Variants in ARHGAP17 observed in about 807,000 individuals in gnomAD.
The protein encoded by ARHGAP17 is rho GTPase-activating protein 17.
A neutral mutation model predicts 99.5 loss-of-function variants in ARHGAP17; 57 were observed. The observed-to-expected ratio is 0.57, with a 90% CI of 0.46 to 0.71. The LOEUF is 0.71. Among genes scored for constraint, ARHGAP17 ranks in the 30% least tolerant of loss-of-function variants. The probability of loss-of-function intolerance (pLI) is 0.00; values close to 1 mark genes in which losing one functional copy is unlikely to be tolerated. For missense variants in ARHGAP17, 1,000 were observed against 1,122.4 expected, an observed-to-expected ratio of 0.89 and a Z score of 1.56; for synonymous variants, 417 against 429.6, an observed-to-expected ratio of 0.97 and a Z score of 0.36.
At chr16:24,992,356 A>G (rs1408864144) in intron 1 of ARHGAP17, among the ~76,000 whole-genome samples, 1 of 151,864 alleles carries the variant, frequency 6.6e-6, no homozygotes, top group African/African-American at 2.4e-5. Context: ...TTTTTTTTGG[A>G]GACAGAGTCT....
intron 7 of ARHGAP17, among the ~76,000 whole-genome samples, chr16:24,961,894 A>G (rs2052014206): frequency 8.6e-6 from 1 of 115,756 alleles, no homozygotes; most frequent in Admixed American, 8.6e-5. Context: ...CTTCAAATAT[A>G]AATATACATA....
chr16:24,964,349 T>TTGA, intron 6 of ARHGAP17, 41 bp from the exon 7 acceptor site: 1 of 1,385,886 alleles, frequency 7.2e-7, no homozygotes, highest in Non-Finnish European at 1.0e-6. Flanking sequence ...GAACCAGCTG[T>TTGA]GTATACTCAA....
intron 1 of ARHGAP17, among the ~76,000 whole-genome samples, chr16:24,995,660 G>A (rs1182041240): frequency 6.6e-6 from 1 of 152,208 alleles, no homozygotes; most frequent in African/African-American, 2.4e-5. Flanking sequence ...GGAGAGCCAA[G>A]GGCCAGCCCA....
intron 1 of ARHGAP17, among the ~76,000 whole-genome samples, chr16:24,994,220 G>A (rs1039632717): frequency 3.3e-5 from 5 of 152,146 alleles, no homozygotes; most frequent in Admixed American, 2.6e-4. Context: ...CTTTTCTAAG[G>A]TCAAAGAAAG....
chr16:25,010,693 T>C (rs1597501305), intron 1 of ARHGAP17, among the ~76,000 whole-genome samples: 1 of 152,240 alleles, frequency 6.6e-6, no homozygotes, highest in Non-Finnish European at 1.5e-5. Context: ...CGTAGTTTAA[T>C]TTGGATTAAA....
chr16:24,988,082 GA>G (rs2052927819), intron 1 of ARHGAP17, among the ~76,000 whole-genome samples: 1 of 152,194 alleles, frequency 6.6e-6, no homozygotes, highest in Non-Finnish European at 1.5e-5. Context: ...AAATCCACCT[GA>G]GCCTCTGAGC....
chr16:24,961,536 T>C (rs2052001033), intron 7 of ARHGAP17, among the ~76,000 whole-genome samples: 1 of 127,054 alleles, frequency 7.9e-6, no homozygotes, highest in African/African-American at 3.0e-5. Flanking sequence ...TTTTTTTTTT[T>C]TTTTTTTTGA....
Position 24,939,400 on chromosome 16 carries a change from C to G in ARHGAP17, c.1688G>C (p.Gly563Ala), listed in dbSNP as rs745320640. 3 of 1,609,546 alleles carry G rather than the reference C, an allele frequency of 1.9e-6. No homozygotes were observed. Among genetic ancestry groups the G allele is most frequent in the Non-Finnish European group, 1.7e-6 (2 of 1,179,628 alleles). Residue 563 changes from glycine to alanine, a missense_variant, in exon 17 of 20, where the codon GGC becomes GCC. Coordinates refer to ENST00000289968, the MANE Select transcript of ARHGAP17 (RefSeq NM_001006634.3). The stretch of plus-strand genomic sequence containing the variant: ...TGGGCTCGGCCCCTGCTCCAGTATG[C>G]CCGCGGAAGAGGGGACAGTCCCACC... ...SGGGTVPSSAGILEQGPSPGD... is the reference protein window; with the variant it reads ...SGGGTVPSSAAILEQGPSPGD...
At chr16:25,008,747 T>C (rs2053569973) in intron 1 of ARHGAP17, among the ~76,000 whole-genome samples, 1 of 152,212 alleles carries the variant, frequency 6.6e-6, no homozygotes, top group South Asian at 2.1e-4. Context: ...CTTACACATA[T>C]AAAAATGATG....
intron 9 of ARHGAP17, chr16:24,954,937 A>G: frequency 1.6e-6 from 1 of 637,994 alleles, no homozygotes; most frequent in South Asian, 2.2e-5. Flanking sequence ...CTTGTGGAAC[A>G]GAAGCCTGAG....
At chr16:24,974,461 C>A (rs1485032560) in intron 3 of ARHGAP17, among the ~76,000 whole-genome samples, 1 of 152,082 alleles carries the variant, frequency 6.6e-6, no homozygotes, top group Non-Finnish European at 1.5e-5. Context: ...AAATGCTTAG[C>A]ATCTCGGTTC....
chr16:24,959,152 T>G (rs1299240845), intron 9 of ARHGAP17, among the ~76,000 whole-genome samples: 2 of 152,152 alleles, frequency 1.3e-5, no homozygotes, highest in South Asian at 2.1e-4. Flanking sequence ...AACAAAAGCT[T>G]AGTATAAAGA....
At chr16:24,922,132 A>G (rs567999655) in intron 19 of ARHGAP17, among the ~76,000 whole-genome samples, 7 of 152,396 alleles carry the variant, frequency 4.6e-5, no homozygotes, top group South Asian at 2.1e-4. Context: ...AAGACGACGT[A>G]TAAGAAAATC....
chr16:24,973,496 T>C (rs936413709), intron 3 of ARHGAP17, among the ~76,000 whole-genome samples: 3 of 152,226 alleles, frequency 2.0e-5, no homozygotes, highest in African/African-American at 4.8e-5. Context: ...GCACTTTCGT[T>C]TGACGTTGGA....
chr16:24,954,003 C>G (rs2141243793), intron 10 of ARHGAP17, among the ~76,000 whole-genome samples: 1 of 151,786 alleles, frequency 6.6e-6, no homozygotes, highest in East Asian at 1.9e-4. Context: ...GTATGCTTTT[C>G]TGTATGTACG....
At chr16:24,988,956 CA>C (rs1295921471) in intron 1 of ARHGAP17, among the ~76,000 whole-genome samples, 2 of 152,132 alleles carry the variant, frequency 1.3e-5, no homozygotes, top group Admixed American at 6.6e-5. Context: ...CTCATTTAAG[CA>C]GGCAAAAATA....
At chr16:24,942,309 C>T (rs2051336826) in intron 15 of ARHGAP17, among the ~76,000 whole-genome samples, 166 bp from the exon 16 acceptor site, 1 of 152,086 alleles carries the variant, frequency 6.6e-6, no homozygotes, top group Non-Finnish European at 1.5e-5. Context: ...TCCATCAAAC[C>T]AGTGGGAAGT....
At chr16:24,953,634 G>A (rs2051713132) in intron 10 of ARHGAP17, among the ~76,000 whole-genome samples, 1 of 152,120 alleles carries the variant, frequency 6.6e-6, no homozygotes, top group Non-Finnish European at 1.5e-5. Flanking sequence ...CTCCAGCCAC[G>A]ATTCCTGTAC....
chr16:24,956,115 G>C (rs62032849), intron 9 of ARHGAP17: 1 of 152,044 alleles, frequency 6.6e-6, no homozygotes, highest in East Asian at 1.9e-4. Flanking sequence ...AAATGGCCAC[G>C]TGAGCCTTCC....
Sources: gnomAD v4.1 joint callset for allele counts (sites outside exome capture counted in the v4.1 genomes callset) on GRCh38, gnomAD v4.1.1 for gene constraint, MANE v1.5 for transcripts, NCBI Gene and HGNC (gene_info 2026-07-23, HGNC 2026-07-21) for gene names.